The following EPRS1 variants were observed in gnomAD, a reference collection of about 807,000 sequenced individuals.
EPRS1 encodes glutamyl-prolyl-tRNA synthetase 1.
Under a neutral mutation model 188.3 loss-of-function variants are expected in EPRS1, and 107 were observed. The observed-to-expected ratio is 0.57, with a 90% CI of 0.49 to 0.67. The LOEUF is 0.67. EPRS1 is among the 30% of genes least tolerant of loss of function. The pLI is 0.00. For synonymous variants in EPRS1, 596 were observed against 593.1 expected (o/e 1.00, Z -0.07); for missense variants, 1,577 against 1,802.2 (o/e 0.88, Z 2.26).
At chr1:220,015,763 G>GT (rs1661690108) in intron 12 of EPRS1, among the ~76,000 whole-genome samples, 1 of 150,266 alleles carries the variant, frequency 6.7e-6, no homozygotes. Flanking sequence ...AAAGAATGAC[G>GT]TATTACCTTC....
At chr1:220,025,365 G>C (rs1661952328) in intron 6 of EPRS1, 107 bp from the exon 7 acceptor site, 2 of 688,818 alleles carry the variant, frequency 2.9e-6, no homozygotes, top group East Asian at 6.4e-5. Flanking sequence ...CTTCTAATTG[G>C]TACCCAAGTC....
intron 13 of EPRS1, among the ~76,000 whole-genome samples, chr1:220,008,463 G>A (rs1414523894): frequency 7.2e-5 from 11 of 151,860 alleles, no homozygotes; most frequent in Admixed American, 7.2e-4. Context: ...TTTAACAACT[G>A]TTCAATGAAC....
At position 219,988,764 on chromosome 1, in the gene EPRS1, T is replaced by G; in HGVS notation, c.2601A>C (p.Lys867Asn). The G allele has an allele frequency of 1.2e-6, 2 of 1,613,878 alleles. No individual in the cohort carries two copies. The highest frequency in any genetic ancestry group is 1.7e-6 in the Non-Finnish European group (2 of 1,179,818). ...LLSLKAQYKE[K>N]TGKEYIPGQP... ...GACCAGGTATGTACTCCTTCCCAGT[T>G]TTTTCTTTATACTGAGCCTTCAGGG... The change falls in exon 19 of 32, where the codon AAA (lysine) becomes AAC (asparagine). Residue 867 changes from lysine to asparagine, a missense_variant. By Grantham distance (94) the Lys-to-Asn change is moderately conservative. Transcript: ENST00000366923.
intron 16 of EPRS1, among the ~76,000 whole-genome samples, chr1:220,002,790 G>T (rs1379697655): frequency 6.6e-6 from 1 of 152,110 alleles, no homozygotes; most frequent in Non-Finnish European, 1.5e-5. Flanking sequence ...AGCCTGGGGA[G>T]GTCAAGCCGC....
intron 20 of EPRS1, among the ~76,000 whole-genome samples, chr1:219,985,545 G>C (rs1660991407): frequency 6.6e-6 from 1 of 151,866 alleles, no homozygotes; most frequent in African/African-American, 2.4e-5. Flanking sequence ...TGGGATTACA[G>C]GTGTGTGCCA....
At chr1:220,001,750 C>T (rs927272965) in intron 16 of EPRS1, among the ~76,000 whole-genome samples, 16 of 152,112 alleles carry the variant, frequency 1.1e-4, no homozygotes, top group South Asian at 2.1e-4. Flanking sequence ...CAGTCTTGGC[C>T]GGGCGCAGTG....
intron 28 of EPRS1, among the ~76,000 whole-genome samples, chr1:219,977,644 T>A (rs1287347041): frequency 6.6e-6 from 1 of 151,970 alleles, no homozygotes; most frequent in African/African-American, 2.4e-5. Flanking sequence ...GGAAAAAAAA[T>A]CATGTTTAGA....
intron 6 of EPRS1, among the ~76,000 whole-genome samples, chr1:220,027,332 G>A (rs1476630797): frequency 5.3e-5 from 8 of 152,192 alleles, no homozygotes; most frequent in East Asian, 1.9e-4. Flanking sequence ...GGAGGCTGAG[G>A]CAGGAGAATG....
rs1571688741 is a variant in EPRS1, at chr1:220,020,130, C to T, written c.1207G>A (p.Asp403Asn). ...ALRTTEYHDR[D>N]EQFYWIIEAL... The stretch of plus-strand genomic sequence containing the variant: ...TCAATAATCCAGTAAAACTGCTCAT[C>T]TCTGTCATGGTATTCTGTTGTTCTC... The change falls in exon 10 of 32, where the codon GAT (aspartate) becomes AAT (asparagine). Residue 403 changes from aspartate (D) to asparagine (N), a missense_variant. Transcript: ENST00000366923. The T allele has an allele frequency of 6.2e-7, 1 of 1,614,062 alleles. No homozygotes were observed. The highest frequency in any genetic ancestry group is 2.2e-5 in the East Asian group (1 of 44,862).
rs985540501 is a variant in EPRS1 at position 220,024,466 on chromosome 1, G to A, written c.751-10C>T. 3 of 1,580,302 alleles carry A rather than the reference G, an allele frequency of 1.9e-6. No individual in the cohort carries two copies. Among genetic ancestry groups the A allele is most frequent in the Non-Finnish European group, 2.6e-6 (3 of 1,165,596 alleles). ...CATCTTCCAAGATAACCTGTAGTAA[G>A]AAACCAAAATAACCATCAGTATATC... On this transcript the variant is annotated splice_polypyrimidine_tract_variant and intron_variant, in intron 7 of 31. Coordinates refer to ENST00000366923, the MANE Select transcript of EPRS1 (RefSeq NM_004446.3).
intron 8 of EPRS1, among the ~76,000 whole-genome samples, chr1:220,023,962 G>A (rs945439184): frequency 6.6e-6 from 1 of 152,134 alleles, no homozygotes; most frequent in Admixed American, 6.5e-5. Flanking sequence ...GACCAGCTTG[G>A]CCAATATGGT....
chr1:219,987,409 A>C lies in EPRS1; in HGVS notation c.2776-5T>G. 1 of 1,582,214 alleles carries C rather than the reference A, an allele frequency of 6.3e-7. No individual in the cohort carries two copies. The highest frequency in any genetic ancestry group is 8.6e-7 in the Non-Finnish European group (1 of 1,167,156). ...AACAGCTATATCTACTTGATCCTTT[A>C]GTTTAACAAAAGAGGAAAAAGAGAA... On this transcript the variant is annotated splice_polypyrimidine_tract_variant and splice_region_variant and intron_variant, in intron 19 of 31. Transcript: ENST00000366923.
At chr1:220,023,282 C>T (rs1274433184) in intron 8 of EPRS1, among the ~76,000 whole-genome samples, 1 of 152,194 alleles carries the variant, frequency 6.6e-6, no homozygotes, top group Non-Finnish European at 1.5e-5. Flanking sequence ...AAATGTAAGA[C>T]ACTTGCCCTC....
intron 1 of EPRS1, among the ~76,000 whole-genome samples, chr1:220,040,498 A>G (rs566980114): frequency 1.3e-5 from 2 of 152,370 alleles, no homozygotes; most frequent in Non-Finnish European, 2.9e-5. Flanking sequence ...GAATTTGTTC[A>G]GCTTTCAGTT....
chr1:220,037,505 CAAA>C (rs766349279), intron 2 of EPRS1, among the ~76,000 whole-genome samples: 2 of 52,324 alleles, frequency 3.8e-5, no homozygotes, highest in Admixed American at 2.2e-4. Context: ...ACTCCATCTC[CAAA>C]AAAAAAAAAA....
intron 18 of EPRS1, among the ~76,000 whole-genome samples, chr1:219,989,789 A>G (rs541525222): frequency 3.0e-4 from 46 of 152,264 alleles, no homozygotes; most frequent in African/African-American, 1.1e-3. Flanking sequence ...AAAGGTAGTA[A>G]AATTAAGAGA....
At chr1:220,025,943 C>T (rs180896920) in intron 6 of EPRS1, among the ~76,000 whole-genome samples, 61 of 152,148 alleles carry the variant, frequency 4.0e-4, no homozygotes, top group Admixed American at 1.8e-3. Flanking sequence ...TACAGGCACG[C>T]GCCACCATGC....
intron 1 of EPRS1, among the ~76,000 whole-genome samples, chr1:220,044,527 C>A (rs1662361063): frequency 6.6e-6 from 1 of 151,838 alleles, no homozygotes; most frequent in Non-Finnish European, 1.5e-5. Context: ...GAGTTTGAGA[C>A]CAGCCTGGCC....
chr1:220,003,571 T>C (rs997903557), intron 16 of EPRS1, among the ~76,000 whole-genome samples: 5 of 152,202 alleles, frequency 3.3e-5, no homozygotes, highest in African/African-American at 1.2e-4. Context: ...TGAGTTAATT[T>C]TTGTATATGA....
Sources: gnomAD v4.1 joint callset for allele counts (sites outside exome capture counted in the v4.1 genomes callset) on GRCh38, gnomAD v4.1.1 for gene constraint, MANE v1.5 for transcripts, NCBI Gene and HGNC (gene_info 2026-07-23, HGNC 2026-07-21) for gene names.